SFRP1: variants seen among roughly 807,000 people sequenced by gnomAD.
SFRP1 encodes secreted frizzled-related protein 1.
SFRP1 carries 9 observed loss-of-function variants against 25.9 expected under a neutral mutation model. That is an observed-to-expected ratio of 0.35 (90% CI 0.21 to 0.61). The LOEUF (loss-of-function observed/expected upper bound fraction) is 0.61, where lower values mean the gene tolerates loss of function less well. Among genes scored for constraint, SFRP1 ranks in the 20% least tolerant of loss-of-function variants. SFRP1 has a pLI of 0.78. For synonymous variants in SFRP1, 178 were observed against 174.0 expected (o/e 1.02, Z -0.18); for missense variants, 346 against 418.2 (o/e 0.83, Z 1.51).
chr8:41,267,707 T>C (rs922940020), intron 2 of SFRP1, among the ~76,000 whole-genome samples: 1 of 152,234 alleles, frequency 6.6e-6, no homozygotes, highest in South Asian at 2.1e-4. Context: ...TCCCATCTAA[T>C]AGATGAGAAA....
chr8:41,293,947 G>C (rs902598819), intron 2 of SFRP1, among the ~76,000 whole-genome samples: 1 of 147,128 alleles, frequency 6.8e-6, no homozygotes, highest in African/African-American at 2.5e-5. Flanking sequence ...TTTTTTTAGA[G>C]ACAGGGTCTG....
intron 2 of SFRP1, among the ~76,000 whole-genome samples, chr8:41,268,082 T>G (rs148626818): frequency 1.3e-5 from 2 of 152,344 alleles, no homozygotes; most frequent in African/African-American, 4.8e-5. Context: ...TAATGCATAC[T>G]CCAGCTGACA....
chr8:41,301,661 A>G (rs150809701), intron 2 of SFRP1, among the ~76,000 whole-genome samples: 1 of 152,334 alleles, frequency 6.6e-6, no homozygotes, highest in East Asian at 1.9e-4. Flanking sequence ...AGAAAGTCAA[A>G]TTCCTTCTTT....
chr8:41,293,902 A>G (rs1191691653), intron 2 of SFRP1, among the ~76,000 whole-genome samples: 2 of 150,120 alleles, frequency 1.3e-5, no homozygotes, highest in Non-Finnish European at 3.0e-5. Context: ...AGCTGGGACC[A>G]CAATGTGCCA....
At chr8:41,286,249 T>C (rs1803699557) in intron 2 of SFRP1, among the ~76,000 whole-genome samples, 1 of 152,162 alleles carries the variant, frequency 6.6e-6, no homozygotes, top group Non-Finnish European at 1.5e-5. Flanking sequence ...ATTAAGTCTG[T>C]AAGCGAAGAA....
intron 2 of SFRP1, among the ~76,000 whole-genome samples, chr8:41,285,178 A>G (rs141931333): frequency 6.6e-6 from 1 of 152,302 alleles, no homozygotes; most frequent in African/African-American, 2.4e-5. Flanking sequence ...TTAAGAGGCC[A>G]TCTAACCAAA....
chr8:41,287,754 A>G (rs1803723384), intron 2 of SFRP1, among the ~76,000 whole-genome samples: 1 of 152,224 alleles, frequency 6.6e-6, no homozygotes, highest in South Asian at 2.1e-4. Context: ...AATTTGGTAT[A>G]TCTATAAAAT....
chr8:41,268,216 A>T (rs370048921), intron 2 of SFRP1, among the ~76,000 whole-genome samples: 5 of 152,178 alleles, frequency 3.3e-5, no homozygotes, highest in East Asian at 3.9e-4. Context: ...ACTCGCAGCA[A>T]CCATGTTAAG....
In SFRP1 at chr8:41,282,058, C is replaced by T. The variant is rs552669497; in HGVS notation, c.623-16569G>A. The stretch of plus-strand genomic sequence containing the variant: ...CGCAAAAGGTGGCCCCTCCATTCCT[C>T]TCGTCACCCTATAGGACTGGGTTGC... On this transcript the variant is annotated intron_variant, in intron 2 of 2. Coordinates refer to ENST00000220772, the MANE Select transcript of SFRP1 (RefSeq NM_003012.5). Among the ~76,000 whole-genome samples, 11 of 152,324 alleles carry T rather than the reference C, an allele frequency of 7.2e-5. No individual in the cohort carries two copies. In the East Asian group the frequency reaches 2.1e-3, roughly 29 times the overall value.
chr8:41,273,302 C>T (rs943506501), intron 2 of SFRP1, among the ~76,000 whole-genome samples: 1 of 152,048 alleles, frequency 6.6e-6, no homozygotes. Flanking sequence ...CCAGCCTAGG[C>T]AACATGGCAA....
intron 2 of SFRP1, among the ~76,000 whole-genome samples, chr8:41,290,100 A>G (rs554403046): frequency 1.3e-5 from 2 of 152,344 alleles, no homozygotes; most frequent in African/African-American, 4.8e-5. Context: ...ACATCTGTCT[A>G]CACCCACACC....
rs534053858 is a variant in SFRP1 at position 41,266,772 on chromosome 8, G to A, written c.623-1283C>T. Among the ~76,000 whole-genome samples the A allele has an allele frequency of 3.3e-5, 5 of 152,250 alleles. No homozygotes were observed. The South Asian group carries it at 8.3e-4, about 25-fold the overall frequency. On this transcript the variant is annotated intron_variant, in intron 2 of 2. Transcript: ENST00000220772. ...TTTTGTTTTGAAGAGCAAGTTATTGGTTTAGTATTTTAACATTGAAAGACC... is the reference window on the plus strand; with the variant it reads ...TTTTGTTTTGAAGAGCAAGTTATTGATTTAGTATTTTAACATTGAAAGACC...
intron 1 of SFRP1, 126 bp from the exon 2 acceptor site, chr8:41,303,664 G>T: frequency 1.4e-6 from 1 of 692,312 alleles, no homozygotes. Flanking sequence ...ACTTCTGAAG[G>T]GGACCTGAGA....
intron 1 of SFRP1, chr8:41,306,869 G>T (rs773863775): frequency 6.3e-7 from 1 of 1,596,408 alleles, no homozygotes; most frequent in South Asian, 1.1e-5. Flanking sequence ...ACAGCCTTTT[G>T]GGGGCTGGGG....
chr8:41,288,081 G>A (rs1585514545), intron 2 of SFRP1, among the ~76,000 whole-genome samples: 1 of 152,118 alleles, frequency 6.6e-6, no homozygotes, highest in African/African-American at 2.4e-5. Context: ...AATTTGGCCA[G>A]GCACAGTGGC....
chr8:41,299,499 TAAAAAAA>T (rs576175856), intron 2 of SFRP1, among the ~76,000 whole-genome samples: 6 of 56,060 alleles, frequency 1.1e-4, no homozygotes, highest in African/African-American at 1.7e-4. Flanking sequence ...TTCTCCTTTA[TAAAAAAA>T]AAAAAAAAAA....
intron 2 of SFRP1, among the ~76,000 whole-genome samples, chr8:41,295,600 C>T (rs1334053515): frequency 2.0e-5 from 3 of 152,082 alleles, no homozygotes; most frequent in Non-Finnish European, 4.4e-5. Flanking sequence ...ATCTCGTCCC[C>T]ATCATCACCA....
intron 2 of SFRP1, chr8:41,275,331 T>C (rs1225566328): frequency 7.7e-6 from 2 of 260,970 alleles, no homozygotes; most frequent in African/African-American, 8.2e-5. Context: ...AAAGGTGCTG[T>C]TAAAAAAAAA....
chr8:41,304,212 A>C (rs1017827343), intron 1 of SFRP1, among the ~76,000 whole-genome samples: 3 of 152,034 alleles, frequency 2.0e-5, no homozygotes, highest in Non-Finnish European at 4.4e-5. Context: ...TTTGAAGAGG[A>C]GGTTTGTGGG....
Sources: allele counts gnomAD v4.1 joint callset (sites outside exome capture counted in the v4.1 genomes callset), GRCh38; gene constraint gnomAD v4.1.1; transcripts MANE v1.5; gene names NCBI Gene and HGNC (gene_info 2026-07-23, HGNC 2026-07-21).